Variants in LARGE1 observed in about 807,000 individuals in gnomAD.
LARGE1 encodes LARGE xylosyl- and glucuronyltransferase 1.
In LARGE1, 43 loss-of-function variants were observed where a neutral mutation model predicts 87.6. That is an observed-to-expected ratio of 0.49 (90% CI 0.38 to 0.63). LARGE1 has a LOEUF of 0.63. Ranked by LOEUF, LARGE1 falls within the 30% of genes least tolerant of loss-of-function variation. The pLI is 0.00. For missense variants in LARGE1, 802 were observed against 1,000.2 expected (o/e 0.80, Z 2.67); for synonymous variants, 434 against 394.6 (o/e 1.10, Z -1.18).
intron 6 of LARGE1, among the ~76,000 whole-genome samples, chr22:33,450,134 A>G (rs1168992205): frequency 6.6e-6 from 1 of 151,358 alleles, no homozygotes; most frequent in Non-Finnish European, 1.5e-5. Context: ...CTGGTCTCGA[A>G]CTCCTGATCT....
At chr22:33,611,068 GCAGAAGCCTGCTA>G (rs113008766) in intron 4 of LARGE1, among the ~76,000 whole-genome samples, 6,872 of 152,328 alleles carry the variant, frequency 0.045, 358 homozygotes, top group African/African-American at 0.12. Context: ...GGGTGCCCAT[GCAGAAGCCTGCTA>G]CAGGGGCAGA....
At chr22:33,720,984 C>T (rs1247015511) in intron 2 of LARGE1, among the ~76,000 whole-genome samples, 3 of 152,108 alleles carry the variant, frequency 2.0e-5, no homozygotes, top group Admixed American at 6.5e-5. Context: ...TTAGTGCTTA[C>T]GGGATTCCTG....
At chr22:33,339,346 G>C (rs1303610907) in intron 9 of LARGE1, among the ~76,000 whole-genome samples, 1 of 151,766 alleles carries the variant, frequency 6.6e-6, no homozygotes, top group South Asian at 2.1e-4. Context: ...AGCACAAGGG[G>C]CGGAAAGATA....
intron 6 of LARGE1, among the ~76,000 whole-genome samples, chr22:33,441,450 C>A (rs2067473910): frequency 6.6e-6 from 1 of 151,738 alleles, no homozygotes; most frequent in Non-Finnish European, 1.5e-5. Context: ...CTCTCTCTTT[C>A]TCTCTCTCTC....
rs61071480 is a variant in LARGE1 at position 33,454,636 on chromosome 22, G to A, written c.788-22371C>T. On this transcript the variant is annotated intron_variant, in intron 6 of 14. Coordinates refer to ENST00000397394, the MANE Select transcript of LARGE1 (RefSeq NM_133642.5). ...CTGTCTAAAAAAAAAAAAAAAAAAA[G>A]AAGAAGAAGAAAAGAGGTTTAATTG... 6.3e-3 allele frequency among the ~76,000 whole-genome samples: 875 copies of A among 139,730 alleles called. 12 individuals are homozygous for A. The highest frequency in any genetic ancestry group is 0.022 in the African/African-American group (832 of 38,224). 91.7% of individuals were successfully genotyped at this position (139,730 alleles called of 152,430 possible).
chr22:33,827,694 G>A (rs924675734), intron 1 of LARGE1, among the ~76,000 whole-genome samples: 12 of 152,284 alleles, frequency 7.9e-5, no homozygotes, highest in Non-Finnish European at 1.2e-4. Flanking sequence ...AGCTGACATC[G>A]TGGTGTAGAG....
intron 7 of LARGE1, among the ~76,000 whole-genome samples, chr22:33,429,541 ATTC>A (rs1473544888): frequency 6.6e-6 from 1 of 152,140 alleles, no homozygotes; most frequent in Non-Finnish European, 1.5e-5. Context: ...AGTGTGCTAC[ATTC>A]TTCTTCTCTC....
chr22:33,416,364 G>A (rs1290927865), intron 7 of LARGE1, among the ~76,000 whole-genome samples: 1 of 152,148 alleles, frequency 6.6e-6, no homozygotes, highest in Non-Finnish European at 1.5e-5. Context: ...CAAAGTCCAT[G>A]CCACCATCCC....
the LARGE1 span, among the ~76,000 whole-genome samples, chr22:33,146,830 C>A: frequency 2.0e-5 from 3 of 151,886 alleles, no homozygotes; most frequent in Non-Finnish European, 4.4e-5. Flanking sequence ...AAGCATGGAC[C>A]CACCATCCAA....
At chr22:33,826,559 T>C (rs1284734029) in intron 1 of LARGE1, among the ~76,000 whole-genome samples, 1 of 152,014 alleles carries the variant, frequency 6.6e-6, no homozygotes, top group Admixed American at 6.6e-5. Context: ...GCCAGGCTGG[T>C]CTCAAACTCC....
chr22:33,208,163 A>G (rs1485789335), intron 11 of LARGE1, among the ~76,000 whole-genome samples: 1 of 152,002 alleles, frequency 6.6e-6, no homozygotes, highest in Non-Finnish European at 1.5e-5. Flanking sequence ...ATCTTATTAT[A>G]CCTGTTTAGA....
chr22:33,447,408 T>A (rs973675930), intron 6 of LARGE1, among the ~76,000 whole-genome samples: 1 of 152,154 alleles, frequency 6.6e-6, no homozygotes, highest in African/African-American at 2.4e-5. Context: ...ACAGGTGACA[T>A]GCAGGGGCCG....
intron 9 of LARGE1, among the ~76,000 whole-genome samples, chr22:33,338,884 A>G (rs570502570): frequency 5.3e-5 from 8 of 152,324 alleles, no homozygotes; most frequent in African/African-American, 1.9e-4. Context: ...GCGGTGGCTC[A>G]TGCCTGTAAT....
chr22:33,825,698 C>T lies in LARGE1; in HGVS notation c.-82-64140G>A, dbSNP rs992341211. On this transcript the variant is annotated intron_variant, in intron 1 of 14. Coordinates refer to ENST00000397394, the MANE Select transcript of LARGE1 (RefSeq NM_133642.5). ...CCCTCCCATGACACTGGCGATTACA[C>T]GAACTACAATTCAAGGTGAGATTTG... Among the ~76,000 whole-genome samples the T allele has an allele frequency of 7.9e-5, 12 of 152,140 alleles. No homozygotes were observed. The South Asian group carries it at 1.2e-3, about 16-fold the overall frequency.
Position 33,650,510 on chromosome 22 carries a change from G to C in LARGE1, c.265C>G (p.Arg89Gly), listed in dbSNP as rs1359437833. The change falls in exon 3 of 15, where the codon CGA (arginine) becomes GGA (glycine). Residue 89 changes from arginine to glycine, a missense_variant. By Grantham distance (125) the Arg-to-Gly change is moderately radical. Transcript: ENST00000397394. ...LRRQLSLAQG[R>G]APSHRRGNHS... ...TTGCCTCGGCGATGGGATGGGGCTCGGCCCTGGGCCAGGCTGAGCTGCCTG... is the reference window on the plus strand; with the variant it reads ...TTGCCTCGGCGATGGGATGGGGCTCCGCCCTGGGCCAGGCTGAGCTGCCTG... 5 of 1,612,950 alleles carry C rather than the reference G, an allele frequency of 3.1e-6. No homozygotes were observed. The highest frequency in any genetic ancestry group is 3.3e-5 in the Admixed American group (2 of 60,002).
intron 11 of LARGE1, among the ~76,000 whole-genome samples, chr22:33,198,676 C>CACAT (rs60375534): frequency 4.4e-4 from 66 of 148,572 alleles, no homozygotes; most frequent in African/African-American, 1.5e-3. Context: ...CACACACACA[C>CACAT]GTATCTAAAA....
chr22:33,625,348 C>G (rs2079887181), intron 4 of LARGE1, among the ~76,000 whole-genome samples: 1 of 152,136 alleles, frequency 6.6e-6, no homozygotes, highest in Non-Finnish European at 1.5e-5. Context: ...AAAGCAGAAG[C>G]CAATGCTGGA....
At chr22:33,808,568 C>A (rs560765779) in intron 1 of LARGE1, among the ~76,000 whole-genome samples, 1 of 151,962 alleles carries the variant, frequency 6.6e-6, no homozygotes, top group South Asian at 2.1e-4. Flanking sequence ...GTTTACAAAG[C>A]ACAAGGCACC....
chr22:33,719,822 T>C (rs1417182224), intron 2 of LARGE1, among the ~76,000 whole-genome samples: 2 of 152,232 alleles, frequency 1.3e-5, no homozygotes, highest in African/African-American at 4.8e-5. Context: ...ACCTGGCTCA[T>C]CTATACCATA....
Sources: gnomAD v4.1 joint callset for allele counts (sites outside exome capture counted in the v4.1 genomes callset) on GRCh38, gnomAD v4.1.1 for gene constraint, MANE v1.5 for transcripts, NCBI Gene and HGNC (gene_info 2026-07-23, HGNC 2026-07-21) for gene names.